The following PDIA5 variants were observed in gnomAD, a reference collection of about 807,000 sequenced individuals.
PDIA5 encodes protein disulfide-isomerase A5.
In PDIA5, 58 loss-of-function variants were observed where a neutral mutation model predicts 77.6. The ratio of observed to expected loss-of-function variants is 0.75; its 90% CI spans 0.61 to 0.93. PDIA5 has a LOEUF of 0.93. PDIA5 is among the 40% of genes least tolerant of loss of function. The pLI, the probability that PDIA5 is intolerant of heterozygous loss-of-function variation, is 0.00. For missense variants in PDIA5, 630 were observed against 647.7 expected (o/e 0.97, Z 0.30); for synonymous variants, 250 against 252.1 (o/e 0.99, Z 0.08).
rs564392743 is a variant in PDIA5 at position 123,129,353 on chromosome 3, T to A, written c.774-1127T>A. Among the ~76,000 whole-genome samples, 12 of 152,346 alleles carry A rather than the reference T, an allele frequency of 7.9e-5. No homozygotes were observed. The South Asian group carries it at 2.1e-3, about 26-fold the overall frequency. On this transcript the variant is annotated intron_variant, in intron 10 of 16. Coordinates refer to ENST00000316218, the MANE Select transcript of PDIA5 (RefSeq NM_006810.4). ...CCATTTCTTGGGACCTGGGAGGCCA[T>A]GGTGGCCAGTGGGGCCCAGTCAGAA... is the stretch of plus-strand genomic sequence containing the variant.
intron 11 of PDIA5, among the ~76,000 whole-genome samples, chr3:123,131,910 G>A (rs1312239296): frequency 6.6e-6 from 1 of 152,030 alleles, no homozygotes; most frequent in African/African-American, 2.4e-5. Context: ...AAAGCAAGAG[G>A]TCAGTGCCTC....
At chr3:123,145,619 C>T (rs755506386) in intron 12 of PDIA5, 27 bp downstream of exon 12, 30 of 1,567,014 alleles carry the variant, frequency 1.9e-5, no homozygotes, top group African/African-American at 4.1e-5. Flanking sequence ...TCCCCCTCAC[C>T]GTTCTCTTTG....
At chr3:123,153,553 A>G (rs1345877918) in intron 14 of PDIA5, among the ~76,000 whole-genome samples, 2 of 152,242 alleles carry the variant, frequency 1.3e-5, no homozygotes, top group African/African-American at 2.4e-5. Context: ...AGGCTGTGCT[A>G]GGCACATTGC....
intron 8 of PDIA5, among the ~76,000 whole-genome samples, chr3:123,122,367 G>A (rs914746456): frequency 2.0e-5 from 3 of 152,172 alleles, no homozygotes; most frequent in Non-Finnish European, 2.9e-5. Flanking sequence ...CTTTTATAGA[G>A]CGTTCCAGGG....
chr3:123,148,489 A>G (rs1356594913), intron 13 of PDIA5, among the ~76,000 whole-genome samples: 1 of 151,944 alleles, frequency 6.6e-6, no homozygotes, highest in African/African-American at 2.4e-5. Flanking sequence ...GGATTGCTTG[A>G]AGCCGGGAGG....
At chr3:123,105,303 A>G (rs1175484356) in intron 5 of PDIA5, among the ~76,000 whole-genome samples, 1 of 152,182 alleles carries the variant, frequency 6.6e-6, no homozygotes, top group African/African-American at 2.4e-5. Context: ...GAACCCCTGC[A>G]CCAGGTATTT....
intron 3 of PDIA5, among the ~76,000 whole-genome samples, chr3:123,097,179 T>C (rs1024772329): frequency 3.3e-5 from 5 of 152,220 alleles, no homozygotes; most frequent in Admixed American, 6.5e-5. Context: ...TAGCATTTGC[T>C]CCTAAGCATG....
intron 13 of PDIA5, among the ~76,000 whole-genome samples, chr3:123,149,954 A>G (rs943481955): frequency 6.6e-6 from 1 of 152,168 alleles, no homozygotes; most frequent in Non-Finnish European, 1.5e-5. Flanking sequence ...TTCGTGGCCC[A>G]CAACTGGGGG....
In PDIA5 at chr3:123,089,387, C is replaced by T. The variant is rs74899001; in HGVS notation, c.169+93C>T. ...AGGCAGGAGACGTTAGGATGAAAAC[C>T]ACTTAGGGAGGGTCCAAGGGACATG... On this transcript the variant is annotated intron_variant, in intron 2 of 16. Coordinates refer to ENST00000316218, the MANE Select transcript of PDIA5 (RefSeq NM_006810.4). 8.7e-4 allele frequency: 1,120 copies of T among 1,283,060 alleles called. 17 individuals are homozygous for T. The East Asian group carries it at 0.022, about 26-fold the overall frequency. 79.5% of individuals were successfully genotyped at this position (1,283,060 alleles called of 1,614,324 possible).
At chr3:123,155,720 C>T (rs1936007645) in intron 15 of PDIA5, among the ~76,000 whole-genome samples, 2 of 152,236 alleles carry the variant, frequency 1.3e-5, no homozygotes, top group South Asian at 2.1e-4. Flanking sequence ...AAACATTCCT[C>T]CCAGCCCTGA....
At chr3:123,080,769 G>C (rs1560497204) in intron 1 of PDIA5, among the ~76,000 whole-genome samples, 1 of 152,312 alleles carries the variant, frequency 6.6e-6, no homozygotes, top group East Asian at 1.9e-4. Flanking sequence ...GTGTGTGCCA[G>C]AACACCCAGA....
intron 1 of PDIA5, among the ~76,000 whole-genome samples, chr3:123,073,285 G>A (rs539994035): frequency 2.6e-5 from 4 of 152,350 alleles, no homozygotes; most frequent in Admixed American, 6.5e-5. Flanking sequence ...GTCCTTAGAC[G>A]AGGTTGAGGT....
intron 6 of PDIA5, among the ~76,000 whole-genome samples, chr3:123,108,532 G>A (rs1479358860): frequency 2.0e-5 from 3 of 146,698 alleles, no homozygotes; most frequent in East Asian, 4.4e-4. Flanking sequence ...CACCCGCCTC[G>A]GCCTCCCAAA....
intron 3 of PDIA5, among the ~76,000 whole-genome samples, chr3:123,098,989 T>TTA (rs1934514105): frequency 6.6e-6 from 1 of 152,212 alleles, no homozygotes; most frequent in Admixed American, 6.5e-5. Flanking sequence ...GGTAATTTTC[T>TTA]CCCATACTTG....
chr3:123,100,742 GT>G (rs1374399061), intron 3 of PDIA5, among the ~76,000 whole-genome samples: 4 of 152,220 alleles, frequency 2.6e-5, no homozygotes, highest in Non-Finnish European at 4.4e-5. Context: ...GAGGTCCTTC[GT>G]TTTTTACATG....
At chr3:123,139,334 C>T (rs1230475167) in intron 11 of PDIA5, among the ~76,000 whole-genome samples, 3 of 152,166 alleles carry the variant, frequency 2.0e-5, no homozygotes, top group Non-Finnish European at 4.4e-5. Context: ...ACCCACGGCT[C>T]CCCAAGACAG....
rs368079698 is a variant in PDIA5, at chr3:123,148,615, T to C, written c.1143-1619T>C. ...GCTATTTTTATGACTGATTGTGGACTTCTCATGACTGACAGTATCAATACA... is the reference window on the plus strand; with the variant it reads ...GCTATTTTTATGACTGATTGTGGACCTCTCATGACTGACAGTATCAATACA... On this transcript the variant is annotated intron_variant, in intron 13 of 16. Transcript: ENST00000316218. Among the ~76,000 whole-genome samples the C allele has an allele frequency of 5.9e-5, 9 of 152,102 alleles. No homozygotes were observed. The East Asian group carries it at 1.5e-3, about 26-fold the overall frequency.
intron 2 of PDIA5, among the ~76,000 whole-genome samples, chr3:123,091,793 A>G (rs895352184): frequency 1.3e-5 from 2 of 152,302 alleles, no homozygotes; most frequent in Non-Finnish European, 2.9e-5. Flanking sequence ...TTGGCCCATC[A>G]GAGCCTAGTG....
chr3:123,070,546 C>T (rs1933695386), intron 1 of PDIA5, among the ~76,000 whole-genome samples: 1 of 152,166 alleles, frequency 6.6e-6, no homozygotes, highest in South Asian at 2.1e-4. Flanking sequence ...AGGTTAGTTC[C>T]AAGAGCTTCC....
Sources: gnomAD v4.1 joint callset for allele counts (sites outside exome capture counted in the v4.1 genomes callset) on GRCh38, gnomAD v4.1.1 for gene constraint, MANE v1.5 for transcripts, NCBI Gene and HGNC (gene_info 2026-07-23, HGNC 2026-07-21) for gene names.